Variants in LCLAT1 observed in about 807,000 individuals in gnomAD.
LCLAT1 encodes lysocardiolipin acyltransferase 1.
Under a neutral mutation model 30.7 loss-of-function variants are expected in LCLAT1, and 11 were observed. The ratio of observed to expected loss-of-function variants is 0.36; its 90% CI spans 0.23 to 0.59. The LOEUF (loss-of-function observed/expected upper bound fraction) is 0.59. LCLAT1 is among the 20% of genes least tolerant of loss of function. The pLI is 0.77. For synonymous variants in LCLAT1, 155 were observed against 151.3 expected, an observed-to-expected ratio of 1.02 and a Z score of -0.18; for missense variants, 402 against 458.6, an observed-to-expected ratio of 0.88 and a Z score of 1.13.
At chr2:30,508,715 G>A (rs1382131061) in intron 1 of LCLAT1, among the ~76,000 whole-genome samples, 1 of 152,044 alleles carries the variant, frequency 6.6e-6, no homozygotes, top group Non-Finnish European at 1.5e-5. Context: ...TTTTTGCTTA[G>A]GATTGCCTAA....
At position 30,643,858 on chromosome 2, in the gene LCLAT1, T is replaced by A. The variant is rs907886779; in HGVS notation, c.*3239T>A. 1.3e-5 allele frequency: 2 copies of A among 152,662 alleles called. No homozygotes were observed. Among genetic ancestry groups the A allele is most frequent in the African/African-American group, 2.4e-5 (1 of 41,462 alleles). 9.5% of individuals were successfully genotyped at this position (152,662 alleles called of 1,614,324 possible). ...TCTCTTTTTGCTACTGAAAGGGAAA[T>A]GGTCTCTAAACACTGGTCACTGTAG... On this transcript the variant is annotated 3_prime_UTR_variant, in exon 6 of 6. Transcript: ENST00000379509.
At chr2:30,493,109 G>A (rs550910516) in intron 1 of LCLAT1, among the ~76,000 whole-genome samples, 15 of 152,264 alleles carry the variant, frequency 9.9e-5, no homozygotes, top group Middle Eastern at 3.4e-3. Context: ...CAAGACAGTT[G>A]CAGTAATGTC....
chr2:30,453,484 T>G (rs574568436), intron 1 of LCLAT1, among the ~76,000 whole-genome samples: 1 of 152,370 alleles, frequency 6.6e-6, no homozygotes, highest in South Asian at 2.1e-4. Flanking sequence ...TGTGTAGCCT[T>G]TAAATGAAAA....
chr2:30,488,849 C>T (rs1683691138), intron 1 of LCLAT1, among the ~76,000 whole-genome samples: 1 of 152,174 alleles, frequency 6.6e-6, no homozygotes, highest in Non-Finnish European at 1.5e-5. Flanking sequence ...ACTATATTTC[C>T]ATAAGGAATT....
chr2:30,538,020 T>A (rs1215988039), intron 3 of LCLAT1, among the ~76,000 whole-genome samples: 4 of 151,766 alleles, frequency 2.6e-5, no homozygotes, highest in East Asian at 1.9e-4. Flanking sequence ...AAAAAAAAAA[T>A]TTGAAGCAAA....
At chr2:30,555,667 TG>T (rs1420274597) in intron 3 of LCLAT1, among the ~76,000 whole-genome samples, 1 of 152,076 alleles carries the variant, frequency 6.6e-6, no homozygotes, top group Non-Finnish European at 1.5e-5. Context: ...CTTTTTTGTT[TG>T]GGGGTTATTA....
At chr2:30,538,236 C>A (rs943515343) in intron 3 of LCLAT1, among the ~76,000 whole-genome samples, 5 of 151,942 alleles carry the variant, frequency 3.3e-5, no homozygotes, top group African/African-American at 1.2e-4. Flanking sequence ...TAGAGCAGAA[C>A]TAAGCAAAAT....
At chr2:30,582,974 A>G (rs1033607820) in intron 5 of LCLAT1, among the ~76,000 whole-genome samples, 12 of 152,246 alleles carry the variant, frequency 7.9e-5, no homozygotes, top group African/African-American at 2.7e-4. Flanking sequence ...TTATGACTTC[A>G]GAACTTTTAA....
intron 5 of LCLAT1, among the ~76,000 whole-genome samples, chr2:30,614,386 ACTT>A (rs1667890391): frequency 6.6e-6 from 1 of 151,602 alleles, no homozygotes; most frequent in South Asian, 2.1e-4. Flanking sequence ...TCCTATGTCT[ACTT>A]CTTTCTACAC....
intron 5 of LCLAT1, among the ~76,000 whole-genome samples, chr2:30,579,080 G>A (rs1666111052): frequency 6.6e-6 from 1 of 152,084 alleles, no homozygotes; most frequent in South Asian, 2.1e-4. Context: ...CACCTGGCCT[G>A]TTCCTTTTGT....
At chr2:30,539,278 A>T (rs1464413172) in intron 3 of LCLAT1, among the ~76,000 whole-genome samples, 1 of 117,524 alleles carries the variant, frequency 8.5e-6, no homozygotes, top group East Asian at 2.5e-4. Flanking sequence ...TTTTTTAAAC[A>T]GGGTCTCACT....
At chr2:30,561,213 G>C (rs930433148) in intron 3 of LCLAT1, among the ~76,000 whole-genome samples, 6 of 152,140 alleles carry the variant, frequency 3.9e-5, no homozygotes, top group African/African-American at 1.4e-4. Context: ...AAAGTGCTGG[G>C]ATTACAGGCA....
chr2:30,509,660 G>A (rs1684845044), intron 1 of LCLAT1, among the ~76,000 whole-genome samples: 1 of 151,790 alleles, frequency 6.6e-6, no homozygotes, highest in South Asian at 2.1e-4. Flanking sequence ...CTGCCTCCTG[G>A]GTTCAAATGA....
rs1669261176 is a variant in LCLAT1, at chr2:30,640,701, A to ATGAC, written c.*84_*87dup. ...TTTCTAAGCTCAGATGCATTTTTGC[A>ATGAC]TGACTATGTCGAATATTTCTTACTG... On this transcript the variant is annotated 3_prime_UTR_variant, in exon 6 of 6. Transcript: ENST00000379509. 2 of 1,471,708 alleles carry ATGAC rather than the reference A, an allele frequency of 1.4e-6. No individual in the cohort carries two copies. The highest frequency in any genetic ancestry group is 2.4e-5 in the Admixed American group (1 of 42,302). 91.2% of individuals were successfully genotyped at this position (1,471,708 alleles called of 1,614,324 possible). A position where few individuals can be genotyped will look rare whatever the true frequency, so the allele number is the denominator to read the frequency against.
chr2:30,554,895 A>G (rs1459189573), intron 3 of LCLAT1, among the ~76,000 whole-genome samples: 1 of 152,202 alleles, frequency 6.6e-6, no homozygotes, highest in African/African-American at 2.4e-5. Flanking sequence ...TTAACATCTA[A>G]CAGAACTTCC....
intron 5 of LCLAT1, among the ~76,000 whole-genome samples, chr2:30,637,928 A>T (rs1242175996): frequency 2.0e-5 from 3 of 152,156 alleles, no homozygotes; most frequent in African/African-American, 7.2e-5. Flanking sequence ...CTCTCTTCAA[A>T]TACAGCTCCA....
At chr2:30,531,777 C>A (rs957017734) in intron 2 of LCLAT1, among the ~76,000 whole-genome samples, 14 of 152,048 alleles carry the variant, frequency 9.2e-5, no homozygotes, top group African/African-American at 2.9e-4. Flanking sequence ...TTTTATTGAT[C>A]CTGTTATGTT....
chr2:30,558,858 C>G (rs6736072), intron 3 of LCLAT1, among the ~76,000 whole-genome samples: 1,574 of 152,266 alleles, frequency 0.01, 33 homozygotes, highest in African/African-American at 0.034. Context: ...TGCTGGTTAT[C>G]TACTTAGCAG....
At chr2:30,502,092 G>C (rs1023374300) in intron 1 of LCLAT1, among the ~76,000 whole-genome samples, 4 of 152,166 alleles carry the variant, frequency 2.6e-5, no homozygotes, top group African/African-American at 9.6e-5. Flanking sequence ...GTTAGGGAGG[G>C]AGGAAAAAAC....
Sources: allele counts gnomAD v4.1 joint callset (sites outside exome capture counted in the v4.1 genomes callset), GRCh38; gene constraint gnomAD v4.1.1; transcripts MANE v1.5; gene names NCBI Gene and HGNC (gene_info 2026-07-23, HGNC 2026-07-21).